The following KSR2 variants were observed in gnomAD, a reference collection of about 807,000 sequenced individuals.
The protein encoded by KSR2 is kinase suppressor of ras 2.
Under a neutral mutation model 107.8 loss-of-function variants are expected in KSR2, and 25 were observed. The observed-to-expected ratio is 0.23, with a 90% confidence interval of 0.17 to 0.32. The LOEUF (loss-of-function observed/expected upper bound fraction) is 0.32, where lower values mean the gene tolerates loss of function less well. Among genes scored for constraint, KSR2 ranks in the 10% least tolerant of loss-of-function variants. KSR2 has a pLI of 1.00. For synonymous variants in KSR2, 480 were observed against 507.0 expected (o/e 0.95, Z 0.71); for missense variants, 887 against 1,268.9 (o/e 0.70, Z 4.57).
chr12:117,678,922 G>A (rs1885253321), intron 4 of KSR2, among the ~76,000 whole-genome samples: 1 of 152,190 alleles, frequency 6.6e-6, no homozygotes, highest in Non-Finnish European at 1.5e-5. Flanking sequence ...GATGGTCACA[G>A]CAGACAAGGT....
chr12:117,754,564 G>C (rs1353328293), intron 4 of KSR2, among the ~76,000 whole-genome samples: 2 of 152,112 alleles, frequency 1.3e-5, no homozygotes, highest in Admixed American at 1.3e-4. Context: ...CTTGTACCCA[G>C]GAGGCAGAGG....
chr12:117,756,010 G>C lies in KSR2; in HGVS notation c.986+5001C>G, dbSNP rs141796299. Among the ~76,000 whole-genome samples, 915 of 152,304 alleles carry C rather than the reference G, an allele frequency of 6.0e-3. 13 individuals are homozygous for C. The highest frequency in any genetic ancestry group is 0.02 in the African/African-American group (852 of 41,570). On this transcript the variant is annotated intron_variant, in intron 4 of 19. Transcript: ENST00000339824. The stretch of plus-strand genomic sequence containing the variant: ...AACTCTCTTCAATTCTATGAAGGCT[G>C]AGAGAGGTGAGGAAGCTGCAGAAGA...
rs1565985444 is a variant in KSR2, at chr12:117,733,068, G to C, written c.986+27943C>G. Among the ~76,000 whole-genome samples the C allele has an allele frequency of 2.0e-5, 3 of 152,270 alleles. No homozygotes were observed. The South Asian group carries it at 6.2e-4, about 32-fold the overall frequency. Reference sequence around the variant, plus strand: ...GCAAGAATTAATTAATGGAAAATAGGAAGAAAGGGGCTCAGAGCAACTAGA... The same window carrying C: ...GCAAGAATTAATTAATGGAAAATAGCAAGAAAGGGGCTCAGAGCAACTAGA... On this transcript the variant is annotated intron_variant, in intron 4 of 19. Coordinates refer to ENST00000339824, the MANE Select transcript of KSR2 (RefSeq NM_173598.6).
intron 4 of KSR2, among the ~76,000 whole-genome samples, chr12:117,669,609 T>C (rs2136492369): frequency 6.6e-6 from 1 of 151,846 alleles, no homozygotes; most frequent in South Asian, 2.1e-4. Flanking sequence ...GTCTCATCTC[T>C]ATAATCCCAG....
At chr12:117,555,405 A>T (rs1359990740) in intron 8 of KSR2, 112 bp from the exon 9 acceptor site, 1 of 1,012,036 alleles carries the variant, frequency 9.9e-7, no homozygotes, top group African/African-American at 1.6e-5. Flanking sequence ...AGACTGGAGG[A>T]CAATTCACTA....
intron 4 of KSR2, among the ~76,000 whole-genome samples, chr12:117,686,215 ATTTTTTTTTTT>A (rs55772468): frequency 1.2e-4 from 9 of 78,036 alleles, no homozygotes; most frequent in African/African-American, 5.4e-4. Flanking sequence ...CACCCAGCTA[ATTTTTTTTTTT>A]TTTTTTTTTT....
At position 117,736,888 on chromosome 12, in the gene KSR2, G is replaced by T. The variant is rs763917562; in HGVS notation, c.986+24123C>A. 5.3e-5 allele frequency among the ~76,000 whole-genome samples: 8 copies of T among 152,066 alleles called. No homozygotes were observed. In the South Asian group the frequency reaches 1.5e-3, roughly 28 times the overall value. On this transcript the variant is annotated intron_variant, in intron 4 of 19. Transcript: ENST00000339824. ...TTTACAGAGGGGAAATTGCAATTGC[G>T]ATGAGCTTATTCCCGAATAGGAGAG...
In KSR2 at chr12:117,968,409, G is replaced by A; in HGVS notation, c.-154C>T. On this transcript the variant is annotated 5_prime_UTR_variant, in exon 1 of 20. Coordinates refer to ENST00000339824, the MANE Select transcript of KSR2 (RefSeq NM_173598.6). ...ATCCAACATCTCACACAGGGTTGAGGGGGTGGGAGTGGGAGGAGGGGACAA... is the reference window on the plus strand; with the variant it reads ...ATCCAACATCTCACACAGGGTTGAGAGGGTGGGAGTGGGAGGAGGGGACAA... 3 of 1,342,678 alleles carry A rather than the reference G, an allele frequency of 2.2e-6. No homozygotes were observed. The highest frequency in any genetic ancestry group is 2.8e-6 in the Non-Finnish European group (3 of 1,055,098). 83.2% of individuals were successfully genotyped at this position (1,342,678 alleles called of 1,614,324 possible).
chr12:117,545,794 T>C (rs1343892688), intron 9 of KSR2, among the ~76,000 whole-genome samples: 1 of 152,190 alleles, frequency 6.6e-6, no homozygotes, highest in Non-Finnish European at 1.5e-5. Context: ...TGAGTGTATC[T>C]CTTTGTATAG....
In KSR2 at chr12:117,794,101, C is replaced by A. The variant is rs369165523; in HGVS notation, c.473-32577G>T. Among the ~76,000 whole-genome samples, 495 of 137,092 alleles carry A rather than the reference C, an allele frequency of 3.6e-3. 31 individuals are homozygous for A. Among genetic ancestry groups the A allele is most frequent in the Non-Finnish European group, 4.5e-3 (291 of 65,254 alleles). 89.9% of individuals were successfully genotyped at this position (137,092 alleles called of 152,430 possible). ...CAACATGCACACTCACACCAACATG[C>A]ACACTCACACCAACATGCACACTCA... is the stretch of plus-strand genomic sequence containing the variant. On this transcript the variant is annotated intron_variant, in intron 3 of 19. Transcript: ENST00000339824.
intron 19 of KSR2, among the ~76,000 whole-genome samples, chr12:117,469,099 A>G (rs995133812): frequency 3.3e-5 from 5 of 152,222 alleles, no homozygotes; most frequent in African/African-American, 1.2e-4. Context: ...CACACTCATT[A>G]TCTCAGATAG....
intron 3 of KSR2, among the ~76,000 whole-genome samples, chr12:117,762,432 A>G (rs1175634816): frequency 6.6e-6 from 1 of 152,220 alleles, no homozygotes; most frequent in Non-Finnish European, 1.5e-5. Flanking sequence ...GAAAAGACAC[A>G]AAAGCAACAC....
At chr12:117,559,047 G>GATGA (rs1877926007) in intron 7 of KSR2, among the ~76,000 whole-genome samples, 1 of 151,254 alleles carries the variant, frequency 6.6e-6, no homozygotes. Context: ...TGGAAGGATG[G>GATGA]ATGGATGGAT....
intron 4 of KSR2, among the ~76,000 whole-genome samples, chr12:117,718,946 T>G (rs180676329): frequency 1.3e-5 from 2 of 152,266 alleles, no homozygotes; most frequent in Admixed American, 1.3e-4. Context: ...GGACTTCCAG[T>G]CTCCTAAACA....
chr12:117,507,555 G>A (rs1796225653), intron 14 of KSR2, among the ~76,000 whole-genome samples: 1 of 152,182 alleles, frequency 6.6e-6, no homozygotes, highest in Non-Finnish European at 1.5e-5. Flanking sequence ...GAGATAAAGT[G>A]AAGGCTTCTG....
In KSR2 at chr12:117,536,357, T is replaced by C. The variant is rs116763165; in HGVS notation, c.1687+3362A>G. ...ACTCTTGACCCTGGGAGTGTTTTGC[T>C]AAAACCACCTAAGACACAGGGTAGG... On this transcript the variant is annotated intron_variant, in intron 10 of 19. Transcript: ENST00000339824. Among the ~76,000 whole-genome samples the C allele has an allele frequency of 7.1e-3, 1,077 of 152,314 alleles. 16 individuals are homozygous for C. Among genetic ancestry groups the C allele is most frequent in the African/African-American group, 0.024 (1,010 of 41,570 alleles).
chr12:117,828,422 T>C (rs556994941), intron 3 of KSR2, among the ~76,000 whole-genome samples: 1 of 152,350 alleles, frequency 6.6e-6, no homozygotes, highest in Admixed American at 6.5e-5. Context: ...AAACCATTAG[T>C]AGCCATACAA....
chr12:117,713,680 A>G (rs1463353757), intron 4 of KSR2, among the ~76,000 whole-genome samples: 4 of 152,346 alleles, frequency 2.6e-5, no homozygotes, highest in African/African-American at 7.2e-5. Context: ...AGAACAGGAC[A>G]GGAAAGAAAA....
chr12:117,557,304 G>A (rs367794139), intron 8 of KSR2, among the ~76,000 whole-genome samples: 1 of 152,140 alleles, frequency 6.6e-6, no homozygotes, highest in East Asian at 1.9e-4. Context: ...ATGGCACTTC[G>A]GTTTTCCAGT....
Sources: allele counts gnomAD v4.1 joint callset (sites outside exome capture counted in the v4.1 genomes callset), GRCh38; gene constraint gnomAD v4.1.1; transcripts MANE v1.5; gene names NCBI Gene and HGNC (gene_info 2026-07-23, HGNC 2026-07-21).